Variants in IGF1 observed in about 807,000 individuals in gnomAD.
IGF1 encodes the protein insulin like growth factor 1.
In IGF1, 4 loss-of-function variants were observed where a neutral mutation model predicts 13.8. The observed-to-expected ratio is 0.29, with a 90% CI of 0.14 to 0.66. IGF1 has a LOEUF of 0.66. Ranked by LOEUF, IGF1 falls within the 30% of genes least tolerant of loss-of-function variation. The pLI is 0.78. For synonymous variants in IGF1, 76 were observed against 72.6 expected, an observed-to-expected ratio of 1.05 and a Z score of -0.23; for missense variants, 124 against 188.5, an observed-to-expected ratio of 0.66 and a Z score of 2.00.
intron 2 of IGF1, among the ~76,000 whole-genome samples, chr12:102,445,870 T>C (rs1878274801): frequency 6.6e-6 from 1 of 152,202 alleles, no homozygotes; most frequent in South Asian, 2.1e-4. Context: ...GCTGTGGGTT[T>C]GTCATGAACA....
At chr12:102,418,236 AG>A (rs1345017242) in intron 3 of IGF1, among the ~76,000 whole-genome samples, 4 of 152,222 alleles carry the variant, frequency 2.6e-5, no homozygotes, top group Non-Finnish European at 4.4e-5. Flanking sequence ...GGGAAGAGAA[AG>A]AATGAATCTG....
At position 102,402,351 on chromosome 12, in the gene IGF1, G is replaced by A; in HGVS notation, c.*156C>T. The A allele has an allele frequency of 1.4e-6, 1 of 735,654 alleles. No individual in the cohort carries two copies. The highest frequency in any genetic ancestry group is 2.5e-6 in the Non-Finnish European group (1 of 396,686). The allele number at this position is 735,654 out of a possible 1,614,324, so 45.6% of individuals were successfully genotyped here. A position where few individuals can be genotyped will look rare whatever the true frequency, so the allele number is the denominator to read the frequency against. On this transcript the variant is annotated 3_prime_UTR_variant, in exon 4 of 4. Transcript: ENST00000337514. The stretch of plus-strand genomic sequence containing the variant: ...CAAATCACTCCTAAAGACAATGTTG[G>A]AATGTTTACTTGTGTATTTCATTGG...
chr12:102,445,251 T>C (rs560240805), intron 2 of IGF1, among the ~76,000 whole-genome samples: 1 of 152,294 alleles, frequency 6.6e-6, no homozygotes, highest in African/African-American at 2.4e-5. Flanking sequence ...AAATTTAAAG[T>C]GGTTTTTTCT....
chr12:102,474,485 C>A (rs1880888869), intron 2 of IGF1, among the ~76,000 whole-genome samples: 1 of 152,212 alleles, frequency 6.6e-6, no homozygotes, highest in Admixed American at 6.5e-5. Flanking sequence ...CCTTACTGAT[C>A]TCCAGACTGG....
chr12:102,481,651 G>C (rs1881394621), upstream of IGF1: 1 of 152,034 alleles, frequency 6.6e-6, no homozygotes, highest in Admixed American at 6.6e-5. Flanking sequence ...TGAAGCAGTA[G>C]ATAAGAAAGT....
At chr12:102,434,353 T>C (rs141251113) in intron 2 of IGF1, among the ~76,000 whole-genome samples, 4,468 of 141,332 alleles carry the variant, frequency 0.032, 267 homozygotes, top group East Asian at 0.28. Flanking sequence ...CCTGTGACCA[T>C]GTGATCTCAT....
At chr12:102,452,261 CAAAAAAAAAAAAAA>C (rs538007224) in intron 2 of IGF1, among the ~76,000 whole-genome samples, 3 of 42,158 alleles carry the variant, frequency 7.1e-5, no homozygotes, top group East Asian at 8.2e-4. Context: ...GACTCCGTCT[CAAAAAAAAAAAAAA>C]AAAAAAAAAA....
chr12:102,417,929 C>T, intron 3 of IGF1: 3 of 1,613,770 alleles, frequency 1.9e-6, no homozygotes, highest in Non-Finnish European at 2.5e-6. Flanking sequence ...CCTTCTGTTC[C>T]CCTCCTGGAT....
chr12:102,418,006 G>A, intron 3 of IGF1: 2 of 1,604,370 alleles, frequency 1.2e-6, no homozygotes, highest in Non-Finnish European at 1.7e-6. Context: ...GGCTGATACT[G>A]TAAACATCAC....
At chr12:102,423,250 C>T (rs951612556) in intron 2 of IGF1, 3 of 122,396 alleles carry the variant, frequency 2.5e-5, no homozygotes, top group African/African-American at 6.5e-5. Context: ...TGTCCTTACT[C>T]GATGCTACGA....
chr12:102,456,421 T>A (rs1879408807), intron 2 of IGF1, among the ~76,000 whole-genome samples: 2 of 152,192 alleles, frequency 1.3e-5, no homozygotes, highest in Non-Finnish European at 2.9e-5. Flanking sequence ...ATCTAACTGT[T>A]AGCATGTAAT....
chr12:102,418,107 A>G, intron 3 of IGF1: 1 of 1,234,660 alleles, frequency 8.1e-7, no homozygotes. Flanking sequence ...AGGAGACAGC[A>G]CTCATGCTGG....
intron 2 of IGF1, among the ~76,000 whole-genome samples, chr12:102,428,624 T>C (rs1218220035): frequency 6.6e-6 from 1 of 152,216 alleles, no homozygotes; most frequent in Non-Finnish European, 1.5e-5. Context: ...AGAATTAGTA[T>C]GAGAAGAGTC....
intron 2 of IGF1, among the ~76,000 whole-genome samples, chr12:102,438,969 A>C (rs1877473068): frequency 6.6e-6 from 1 of 152,144 alleles, no homozygotes; most frequent in South Asian, 2.1e-4. Flanking sequence ...CTTGACTTGT[A>C]ATTTTTCTCT....
intron 2 of IGF1, among the ~76,000 whole-genome samples, chr12:102,443,012 T>TA (rs1192738271): frequency 6.6e-6 from 1 of 152,078 alleles, no homozygotes; most frequent in Non-Finnish European, 1.5e-5. Context: ...TAAGTGATGC[T>TA]AATAGGACTG....
At chr12:102,469,032 T>C (rs545750938) in intron 2 of IGF1, among the ~76,000 whole-genome samples, 1 of 152,236 alleles carries the variant, frequency 6.6e-6, no homozygotes, top group East Asian at 1.9e-4. Context: ...ATGCCAAAAT[T>C]CTCTCCTGGA....
chr12:102,410,115 A>C (rs9308315), intron 3 of IGF1, among the ~76,000 whole-genome samples: 8 of 151,874 alleles, frequency 5.3e-5, no homozygotes, highest in Admixed American at 5.2e-4. Context: ...TACTCTTTTA[A>C]AGACTACCAC....
At chr12:102,418,800 T>G (rs969270135) in intron 3 of IGF1, among the ~76,000 whole-genome samples, 6 of 152,264 alleles carry the variant, frequency 3.9e-5, no homozygotes, top group African/African-American at 1.2e-4. Context: ...AGTTGGTACC[T>G]CTGAGGTTTG....
intron 1 of IGF1, among the ~76,000 whole-genome samples, chr12:102,476,387 GT>G (rs1472989144): frequency 7.0e-6 from 1 of 142,766 alleles, no homozygotes; most frequent in African/African-American, 2.6e-5. Flanking sequence ...ACAGGGTTTT[GT>G]TTTTGTTTTG....
Sources: gnomAD v4.1 joint callset for allele counts (sites outside exome capture counted in the v4.1 genomes callset) on GRCh38, gnomAD v4.1.1 for gene constraint, MANE v1.5 for transcripts, NCBI Gene and HGNC (gene_info 2026-07-23, HGNC 2026-07-21) for gene names.